RHOBTB2: variants seen among roughly 807,000 people sequenced by gnomAD.
The protein encoded by RHOBTB2 is Rho related BTB domain containing 2.
A neutral mutation model predicts 66.5 loss-of-function variants in RHOBTB2; 39 were observed. The ratio of observed to expected loss-of-function variants is 0.59; its 90% confidence interval spans 0.45 to 0.77. RHOBTB2 has a LOEUF of 0.77. Ranked by LOEUF, RHOBTB2 falls within the 30% of genes least tolerant of loss-of-function variation. RHOBTB2 has a pLI of 0.00. For missense variants in RHOBTB2, 755 were observed against 999.1 expected (o/e 0.76, Z 3.29); for synonymous variants, 390 against 395.0 (o/e 0.99, Z 0.15).
rs1363192807 is a variant in RHOBTB2, at chr8:23,004,792, A to T, written c.192+166A>T. ...GAAGGAGCCCCTGGAGAGAGGTTTA[A>T]GCCAAGTCTGCCCCAGGGAAGTGTC... On this transcript the variant is annotated intron_variant, in intron 2 of 9. Coordinates refer to ENST00000251822, the MANE Select transcript of RHOBTB2 (RefSeq NM_015178.3). The surrounding 1 kb of genome is among the most constrained non-coding windows in gnomAD (Gnocchi z 6.4). 2.1e-5 allele frequency: 14 copies of T among 662,570 alleles called. No homozygotes were observed. The highest frequency in any genetic ancestry group is 3.6e-5 in the Non-Finnish European group (14 of 387,608). The allele number at this position is 662,570 out of a possible 1,614,324, so 41.0% of individuals were successfully genotyped here.
At chr8:22,953,733 C>T in the RHOBTB2 span, among the ~76,000 whole-genome samples, 5 of 152,224 alleles carry the variant, frequency 3.3e-5, no homozygotes, top group Admixed American at 2.6e-4. Context: ...AGTATGGGAG[C>T]TCCGGGAAAG....
chr8:22,996,499 GTGTGTGTGTGTGTGTGTGTGTGTGT>G (rs1810563040), upstream of RHOBTB2, among the ~76,000 whole-genome samples: 2 of 696 alleles, frequency 2.9e-3, no homozygotes, highest in South Asian at 0.062. Context: ...GAGGGCTGGT[GTGTGTGTGTGTGTGTGTGTGTGTGT>G]GTGTGTGTGT....
At chr8:22,959,138 C>A in the RHOBTB2 span, among the ~76,000 whole-genome samples, 1 of 152,246 alleles carries the variant, frequency 6.6e-6, no homozygotes, top group South Asian at 2.1e-4. Flanking sequence ...TGGTCTTTGC[C>A]CTGTGTGTAG....
the RHOBTB2 span, among the ~76,000 whole-genome samples, chr8:22,962,213 AG>A: frequency 2.0e-4 from 23 of 115,842 alleles, no homozygotes; most frequent in Non-Finnish European, 2.7e-4. Context: ...AAAAAAAAAA[AG>A]GAAAGAAAGA....
At position 23,017,478 on chromosome 8, in the gene RHOBTB2, C is replaced by T; in HGVS notation, c.*9C>T. On this transcript the variant is annotated 3_prime_UTR_variant, in exon 10 of 10. Coordinates refer to ENST00000251822, the MANE Select transcript of RHOBTB2 (RefSeq NM_015178.3). This position sits in a 1 kb window ranked among gnomAD's most constrained non-coding sequence, Gnocchi z 5.3. ...CCTCGGCTGTGGTCTGAGATGCTGCCACCCTCTTCTGACCCTGCTGCTGTT... is the reference window on the plus strand; with the variant it reads ...CCTCGGCTGTGGTCTGAGATGCTGCTACCCTCTTCTGACCCTGCTGCTGTT... 1 of 1,569,528 alleles carries T rather than the reference C, an allele frequency of 6.4e-7. No homozygotes were observed. The highest frequency in any genetic ancestry group is 8.6e-7 in the Non-Finnish European group (1 of 1,157,510).
At chr8:23,002,552 T>C (rs781253885) in intron 1 of RHOBTB2, among the ~76,000 whole-genome samples, 1 of 151,970 alleles carries the variant, frequency 6.6e-6, no homozygotes, top group Non-Finnish European at 1.5e-5. Flanking sequence ...TTAGCCGGCA[T>C]AGTGGCACAC....
At position 23,017,338 on chromosome 8, in the gene RHOBTB2, C is replaced by G; in HGVS notation, c.2053C>G (p.Arg685Gly). The stretch of plus-strand genomic sequence containing the variant: ...TCATTACCAGCGGGCACGGAAGGAG[C>G]GTGAGAAGGAGGACTACCTCCACCT... Reference protein sequence around the residue: ...EDHYQRARKEREKEDYLHLKR... With the variant: ...EDHYQRARKEGEKEDYLHLKR... The change falls in exon 10 of 10, where the codon CGT becomes GGT. Residue 685 changes from arginine to glycine, a missense_variant. Around this residue, in one of 7 missense-constraint regions of RHOBTB2, gnomAD observed 353 missense variants for 458.2 expected, o/e 0.77. Transcript: ENST00000251822. The surrounding 1 kb of genome is among the most constrained non-coding windows in gnomAD (Gnocchi z 5.3). 1 of 1,614,202 alleles carries G rather than the reference C, an allele frequency of 6.2e-7. No homozygotes were observed. Among genetic ancestry groups the G allele is most frequent in the South Asian group, 1.1e-5 (1 of 91,082 alleles).
chr8:23,006,575 A>G lies in RHOBTB2; in HGVS notation c.483-153A>G, dbSNP rs932306229. ...GAAAAAGGGCTTGGAGTGGACCTTG[A>G]AGGAGCTTGATGGGATTTGGCCAGA... On this transcript the variant is annotated intron_variant, in intron 4 of 9. Coordinates refer to ENST00000251822, the MANE Select transcript of RHOBTB2 (RefSeq NM_015178.3). The surrounding 1 kb of genome is among the most constrained non-coding windows in gnomAD (Gnocchi z 6.1). 6.7e-6 allele frequency: 5 copies of G among 745,668 alleles called. No individual in the cohort carries two copies. In the African/African-American group the frequency reaches 8.8e-5, roughly 13 times the overall value. The allele number at this position is 745,668 out of a possible 1,614,324, so 46.2% of individuals were successfully genotyped here. A position where few individuals can be genotyped will look rare whatever the true frequency, so the allele number is the denominator to read the frequency against.
intron 7 of RHOBTB2, among the ~76,000 whole-genome samples, chr8:23,011,753 G>A (rs1029449421): frequency 9.2e-5 from 14 of 152,186 alleles, no homozygotes; most frequent in Admixed American, 2.0e-4. Context: ...GGGTACCAGC[G>A]CTGGTGTTGA....
intron 1 of RHOBTB2, among the ~76,000 whole-genome samples, chr8:22,990,117 A>G (rs1298580257): frequency 1.3e-5 from 2 of 152,240 alleles, no homozygotes; most frequent in Non-Finnish European, 2.9e-5. Context: ...GCATATCATC[A>G]TTTTATCATC....
chr8:23,019,981 T>C lies in RHOBTB2; in HGVS notation c.*2512T>C, dbSNP rs1811451771. 2 of 308,140 alleles carry C rather than the reference T, an allele frequency of 6.5e-6. No individual in the cohort carries two copies. The highest frequency in any genetic ancestry group is 4.4e-5 in the African/African-American group (2 of 45,472). The allele number at this position is 308,140 out of a possible 1,614,324, so 19.1% of individuals were successfully genotyped here. On this transcript the variant is annotated 3_prime_UTR_variant, in exon 10 of 10. Transcript: ENST00000251822. ...CTCTTTAAACTCTGGGGAGTCGGAT[T>C]CAGGAAACACCCCCAGGAGGCCAAG...
At chr8:22,991,419 G>A (rs923540902) in intron 1 of RHOBTB2, among the ~76,000 whole-genome samples, 3 of 152,170 alleles carry the variant, frequency 2.0e-5, no homozygotes, top group Admixed American at 2.0e-4. Context: ...ACAAAAGGGA[G>A]GAGGAGAAGT....
At position 23,004,749 on chromosome 8, in the gene RHOBTB2, T is replaced by A; in HGVS notation, c.192+123T>A. On this transcript the variant is annotated intron_variant, in intron 2 of 9. Coordinates refer to ENST00000251822, the MANE Select transcript of RHOBTB2 (RefSeq NM_015178.3). The surrounding 1 kb of genome is among the most constrained non-coding windows in gnomAD (Gnocchi z 6.4). ...CCCTCTAGGGGTGGGACAGGATGGG[T>A]TGGGGGCAGCTGAAGAGGAAGGAGC... 2.2e-6 allele frequency: 2 copies of A among 927,894 alleles called. No homozygotes were observed. The highest frequency in any genetic ancestry group is 3.3e-6 in the Non-Finnish European group (2 of 611,504). 57.5% of individuals were successfully genotyped at this position (927,894 alleles called of 1,614,324 possible).
rs746142449 is a variant in RHOBTB2 at position 23,007,246 on chromosome 8, A to G, written c.1001A>G (p.His334Arg). ...CACCACCACCATCACCACCACCACC[A>G]TGGGCGAGACTTCCTGCTCCGAGCA... ...DQHHHHHHHH[H>R]GRDFLLRAAS... Residue 334 changes from histidine (H) to arginine (R), a missense_variant, in exon 5 of 10, where the codon CAT becomes CGT. His to Arg is a conservative substitution (Grantham distance 29). Around this residue, in one of 7 missense-constraint regions of RHOBTB2, gnomAD observed 247 missense variants for 238.9 expected, o/e 1.03. Coordinates refer to ENST00000251822, the MANE Select transcript of RHOBTB2 (RefSeq NM_015178.3). 5.6e-6 allele frequency: 9 copies of G among 1,611,444 alleles called. No individual in the cohort carries two copies. The highest frequency in any genetic ancestry group is 5.5e-5 in the South Asian group (5 of 90,978).
intron 9 of RHOBTB2, among the ~76,000 whole-genome samples, chr8:23,016,493 C>T (rs1811295837): frequency 2.6e-5 from 4 of 152,104 alleles, no homozygotes; most frequent in Admixed American, 2.6e-4. Flanking sequence ...CTCACTGCAA[C>T]CTCCACCTCC....
chr8:23,010,747 T>C, intron 7 of RHOBTB2, 59 bp downstream of exon 7: 1 of 1,570,228 alleles, frequency 6.4e-7, no homozygotes. Context: ...AACCCCAAGG[T>C]GCAATGTTCT....
chr8:22,966,687 G>A, the RHOBTB2 span, among the ~76,000 whole-genome samples: 5 of 151,958 alleles, frequency 3.3e-5, no homozygotes, highest in African/African-American at 9.7e-5. Context: ...TAATCATTAA[G>A]GAAATGCAAA....
At chr8:23,009,307 A>G (rs1226922503) in intron 6 of RHOBTB2, among the ~76,000 whole-genome samples, 1 of 152,100 alleles carries the variant, frequency 6.6e-6, no homozygotes, top group Non-Finnish European at 1.5e-5. Flanking sequence ...ACTCACCTAG[A>G]TTGGAAACTT....
upstream of RHOBTB2, among the ~76,000 whole-genome samples, chr8:22,986,608 T>C (rs1461823557): frequency 6.6e-6 from 1 of 152,112 alleles, no homozygotes; most frequent in Non-Finnish European, 1.5e-5. Flanking sequence ...TTCTCCAGAA[T>C]TCTATCCAGG....
Sources: allele counts gnomAD v4.1 joint callset (sites outside exome capture counted in the v4.1 genomes callset), GRCh38; gene constraint gnomAD v4.1.1; regional missense constraint gnomAD v4.1.1; non-coding constraint Gnocchi (gnomAD v3.1); transcripts MANE v1.5; gene names NCBI Gene and HGNC (gene_info 2026-07-23, HGNC 2026-07-21).